BNIP1: variants seen among roughly 807,000 people sequenced by gnomAD.
BNIP1 encodes the protein BCL2 interacting protein 1.
A neutral mutation model predicts 28.5 loss-of-function variants in BNIP1; 25 were observed. The observed-to-expected ratio is 0.88, with a 90% CI of 0.64 to 1.23. BNIP1 has a LOEUF of 1.23. Ranked by LOEUF, BNIP1 falls within the 50% of genes most tolerant of loss-of-function variation. The probability of loss-of-function intolerance (pLI) is 0.00; values close to 1 mark genes in which losing one functional copy is unlikely to be tolerated. For missense variants in BNIP1, 276 were observed against 277.0 expected (o/e 1.00, Z 0.02); for synonymous variants, 118 against 101.7 (o/e 1.16, Z -0.96).
intron 2 of BNIP1, among the ~76,000 whole-genome samples, 171 bp downstream of exon 2, chr5:173,147,129 G>A (rs1306949169): frequency 7.2e-5 from 11 of 152,112 alleles, no homozygotes; most frequent in African/African-American, 2.7e-4. Context: ...ACTTTTGGCC[G>A]GGCACGGTGG....
chr5:173,162,330 C>A (rs1057353739), intron 5 of BNIP1, among the ~76,000 whole-genome samples: 1 of 152,060 alleles, frequency 6.6e-6, no homozygotes, highest in Non-Finnish European at 1.5e-5. Flanking sequence ...TTTGAAACAT[C>A]GTGTGGATTT....
chr5:173,147,406 A>G (rs1165822986), intron 2 of BNIP1, among the ~76,000 whole-genome samples: 2 of 150,696 alleles, frequency 1.3e-5, no homozygotes, highest in South Asian at 2.1e-4. Flanking sequence ...CTCTGTCTCA[A>G]AAAAAAAAAC....
chr5:173,147,189 G>A (rs1452242360), intron 2 of BNIP1, among the ~76,000 whole-genome samples: 1 of 152,138 alleles, frequency 6.6e-6, no homozygotes, highest in Non-Finnish European at 1.5e-5. Context: ...GGGAGATCAC[G>A]AGGTCAGGAG....
intron 2 of BNIP1, 106 bp from the exon 3 acceptor site, chr5:173,154,215 AG>A: frequency 3.4e-6 from 3 of 872,482 alleles, no homozygotes; most frequent in Non-Finnish European, 5.4e-6. Flanking sequence ...CTGTTTTAAA[AG>A]GGTGCTTCAA....
At chr5:173,163,378 A>G (rs763683146) in intron 5 of BNIP1, among the ~76,000 whole-genome samples, 1 of 152,212 alleles carries the variant, frequency 6.6e-6, no homozygotes, top group Non-Finnish European at 1.5e-5. Flanking sequence ...GTGCCTGCCC[A>G]CGATCCCTGG....
Position 173,163,833 on chromosome 5 carries a change from C to G in BNIP1, c.599C>G (p.Thr200Arg), listed in dbSNP as rs372089930. The G allele has an allele frequency of 4.3e-6, 7 of 1,613,856 alleles. No individual in the cohort carries two copies. The highest frequency in any genetic ancestry group is 5.1e-6 in the Non-Finnish European group (6 of 1,179,940). The part of the protein sequence containing the change: ...LITKYNRREL[T>R]DKLLIFLALA... ...ACAAAATACAATCGCCGGGAGCTGA[C>G]GGACAAGCTTCTCATCTTCCTTGCG... The change falls in exon 6 of 6, where the codon ACG becomes AGG. Residue 200 changes from threonine to arginine, a missense_variant. By Grantham distance (71) the Thr-to-Arg change is moderately conservative. Transcript: ENST00000351486.
chr5:173,150,527 C>G (rs1277335102), intron 2 of BNIP1, among the ~76,000 whole-genome samples: 1 of 152,096 alleles, frequency 6.6e-6, no homozygotes, highest in Non-Finnish European at 1.5e-5. Context: ...TGATCTCTTC[C>G]TGCCTTCATC....
chr5:173,160,120 C>T, intron 5 of BNIP1, 69 bp downstream of exon 5: 3 of 1,401,268 alleles, frequency 2.1e-6, no homozygotes, highest in Non-Finnish European at 9.9e-7. Flanking sequence ...CCTGGCACCT[C>T]CACTCTGGGC....
chr5:173,156,711 A>C (rs1760201098), intron 3 of BNIP1, among the ~76,000 whole-genome samples: 1 of 148,698 alleles, frequency 6.7e-6, no homozygotes, highest in African/African-American at 2.5e-5. Context: ...GCAGTGGCGC[A>C]ATCTCGGCTC....
intron 2 of BNIP1, among the ~76,000 whole-genome samples, chr5:173,150,766 T>C (rs29794): frequency 6.6e-6 from 1 of 152,064 alleles, no homozygotes; most frequent in Non-Finnish European, 1.5e-5. Context: ...TCTTTTTTTT[T>C]AAAATTTCTT....
At chr5:173,149,796 TTGAG>T (rs1424765044) in intron 2 of BNIP1, among the ~76,000 whole-genome samples, 2 of 152,024 alleles carry the variant, frequency 1.3e-5, no homozygotes, top group African/African-American at 4.8e-5. Context: ...AAGAGAGAGA[TTGAG>T]TGAGAGCTCA....
chr5:173,145,624 C>T (rs978790567), intron 1 of BNIP1, among the ~76,000 whole-genome samples: 1 of 152,282 alleles, frequency 6.6e-6, no homozygotes, highest in African/African-American at 2.4e-5. Context: ...AGGATGGTCT[C>T]GATCTCCTGA....
At chr5:173,153,526 C>A (rs1024407688) in intron 2 of BNIP1, among the ~76,000 whole-genome samples, 3 of 152,138 alleles carry the variant, frequency 2.0e-5, no homozygotes, top group African/African-American at 7.2e-5. Flanking sequence ...TGCGCCCGGC[C>A]GAGAACACTG....
chr5:173,148,084 ATATATAT>A (rs1190485534), intron 2 of BNIP1, among the ~76,000 whole-genome samples: 68 of 16,954 alleles, frequency 4.0e-3, no homozygotes, highest in Admixed American at 4.8e-3. Flanking sequence ...AAAAAAAAAA[ATATATAT>A]ATATATATAT....
At chr5:173,151,492 A>T (rs1370454729) in intron 2 of BNIP1, 18 of 1,472,946 alleles carry the variant, frequency 1.2e-5, no homozygotes, top group Non-Finnish European at 1.6e-5. Context: ...AAGTGTTGGG[A>T]TTACAGGCAG....
chr5:173,154,170 T>G, intron 2 of BNIP1, 152 bp from the exon 3 acceptor site: 1 of 593,036 alleles, frequency 1.7e-6, no homozygotes, highest in Non-Finnish European at 3.0e-6. Flanking sequence ...TTTAAAAGGA[T>G]GTGTGTTATA....
chr5:173,163,524 C>G (rs968509846), intron 5 of BNIP1, among the ~76,000 whole-genome samples: 1 of 152,296 alleles, frequency 6.6e-6, no homozygotes, highest in East Asian at 1.9e-4. Flanking sequence ...GACAAACCCC[C>G]CCTCACTCTC....
chr5:173,160,999 G>T, intron 5 of BNIP1: 1 of 368,638 alleles, frequency 2.7e-6, no homozygotes, highest in South Asian at 2.0e-5. Flanking sequence ...AAACGCTTTT[G>T]GAAAATTGCA....
At chr5:173,154,052 G>A (rs1760108086) in intron 2 of BNIP1, among the ~76,000 whole-genome samples, 1 of 152,134 alleles carries the variant, frequency 6.6e-6, no homozygotes. Context: ...CAGCTCTGAC[G>A]CCAGGACAGC....
Sources: gnomAD v4.1 joint callset for allele counts (sites outside exome capture counted in the v4.1 genomes callset) on GRCh38, gnomAD v4.1.1 for gene constraint, MANE v1.5 for transcripts, NCBI Gene and HGNC (gene_info 2026-07-23, HGNC 2026-07-21) for gene names.